FEM1C: variants seen among roughly 807,000 people sequenced by gnomAD.
The protein encoded by FEM1C is protein fem-1 homolog C.
Under a neutral mutation model 37.6 loss-of-function variants are expected in FEM1C, and 15 were observed. The observed-to-expected ratio is 0.40, with a 90% CI of 0.27 to 0.61. FEM1C has a LOEUF of 0.61. FEM1C is among the 20% of genes least tolerant of loss of function. The probability of loss-of-function intolerance (pLI) is 0.42; values close to 1 mark genes in which losing one functional copy is unlikely to be tolerated. For missense variants in FEM1C, 532 were observed against 749.7 expected, an observed-to-expected ratio of 0.71 and a Z score of 3.39; for synonymous variants, 287 against 272.8, an observed-to-expected ratio of 1.05 and a Z score of -0.51.
rs750554819 is a variant in FEM1C at position 115,524,295 on chromosome 5, T to C, written c.*13A>G. ...AATTCGTGCTTTAACAGTGCTAAAA[T>C]ACAGTCAAGTTATCATCTATGAAGG... is the stretch of plus-strand genomic sequence containing the variant. On this transcript the variant is annotated 3_prime_UTR_variant, in exon 3 of 3. Coordinates refer to ENST00000274457, the MANE Select transcript of FEM1C (RefSeq NM_020177.3). 1 of 1,609,170 alleles carries C rather than the reference T, an allele frequency of 6.2e-7. No homozygotes were observed.
intron 2 of FEM1C, among the ~76,000 whole-genome samples, chr5:115,530,347 ATTT>A (rs930097143): frequency 6.6e-6 from 1 of 152,138 alleles, no homozygotes; most frequent in African/African-American, 2.4e-5. Flanking sequence ...AGATATAATA[ATTT>A]TAAACTTGTT....
At chr5:115,544,263 C>G (rs796195382) in intron 1 of FEM1C, 16 of 784,158 alleles carry the variant, frequency 2.0e-5, no homozygotes, top group African/African-American at 3.8e-5. Flanking sequence ...GATCACCCCC[C>G]ACCCCCCGCC....
Position 115,530,240 on chromosome 5 carries a change from C to T in FEM1C, c.545-4623G>A, listed in dbSNP as rs79558535. Among the ~76,000 whole-genome samples, 1,005 of 152,032 alleles carry T rather than the reference C, an allele frequency of 6.6e-3. 5 individuals are homozygous for T. Among genetic ancestry groups the T allele is most frequent in the East Asian group, 0.025 (131 of 5,170 alleles). On this transcript the variant is annotated intron_variant, in intron 2 of 2. Transcript: ENST00000274457. Reference sequence around the variant, plus strand: ...TTTGCAAAAACTAAATATTAAGAAGCTGTCTGATATTAAAATATGAAAGTA... The same window carrying T: ...TTTGCAAAAACTAAATATTAAGAAGTTGTCTGATATTAAAATATGAAAGTA...
intron 1 of FEM1C, 165 bp from the exon 2 acceptor site, chr5:115,543,848 ATAC>A: frequency 1.0e-6 from 1 of 983,576 alleles, no homozygotes; most frequent in Non-Finnish European, 1.2e-6. Flanking sequence ...GTAAAGAAAA[ATAC>A]AGAAGGATAC....
At chr5:115,539,410 G>C (rs1245027770) in intron 2 of FEM1C, among the ~76,000 whole-genome samples, 6 of 152,060 alleles carry the variant, frequency 3.9e-5, no homozygotes, top group Admixed American at 3.9e-4. Context: ...AGATCACTGT[G>C]ATAGCTCTGA....
intron 2 of FEM1C, among the ~76,000 whole-genome samples, chr5:115,534,467 G>A (rs1754080127): frequency 6.6e-6 from 1 of 151,870 alleles, no homozygotes; most frequent in Non-Finnish European, 1.5e-5. Flanking sequence ...CAAACGTTTT[G>A]AGTTTGATAA....
At chr5:115,537,058 C>T (rs1040470892) in intron 2 of FEM1C, among the ~76,000 whole-genome samples, 1 of 151,906 alleles carries the variant, frequency 6.6e-6, no homozygotes, top group South Asian at 2.1e-4. Flanking sequence ...TCACAGACTC[C>T]CTGTTCAATC....
At chr5:115,534,032 T>TTA (rs1027848490) in intron 2 of FEM1C, among the ~76,000 whole-genome samples, 1 of 151,992 alleles carries the variant, frequency 6.6e-6, no homozygotes, top group African/African-American at 2.4e-5. Context: ...CATTAAGTAT[T>TTA]AATTCTGTTA....
At chr5:115,544,152 G>A (rs571439323) in intron 1 of FEM1C, 3 of 985,400 alleles carry the variant, frequency 3.0e-6, no homozygotes, top group East Asian at 1.1e-4. Flanking sequence ...CCCGGCTAAG[G>A]CCAAAACTGT....
chr5:115,536,531 C>T (rs1268612567), intron 2 of FEM1C, among the ~76,000 whole-genome samples: 1 of 151,624 alleles, frequency 6.6e-6, no homozygotes, highest in African/African-American at 2.4e-5. Flanking sequence ...CCCTGAATAA[C>T]TAACAGGTGT....
intron 2 of FEM1C, among the ~76,000 whole-genome samples, chr5:115,541,361 A>G (rs1196886786): frequency 6.6e-6 from 1 of 152,156 alleles, no homozygotes; most frequent in African/African-American, 2.4e-5. Context: ...AAAAATCACA[A>G]TGATCTTGTA....
intron 2 of FEM1C, among the ~76,000 whole-genome samples, chr5:115,535,882 G>C (rs1048867876): frequency 6.7e-6 from 1 of 149,234 alleles, no homozygotes. Context: ...ATATTATTCT[G>C]CAATAAAAAG....
rs1753838511 is a variant in FEM1C, at chr5:115,524,353, C to T, written c.1809G>A (p.Gly603=). The change falls in exon 3 of 3, where the codon GGG becomes GGA. Residue 603 remains glycine, a synonymous_variant. Coordinates refer to ENST00000274457, the MANE Select transcript of FEM1C (RefSeq NM_020177.3). ...VIVNHRIYYK[G]HIPEKLETFV... is the part of the protein sequence containing the mutation. ...AAGTCTCTAGCTTTTCTGGGATATG[C>T]CCTTTATAATATATTCTATGATTCA... The T allele has an allele frequency of 6.2e-7, 1 of 1,613,272 alleles. No individual in the cohort carries two copies.
At chr5:115,529,548 T>G (rs1753973861) in intron 2 of FEM1C, among the ~76,000 whole-genome samples, 2 of 152,036 alleles carry the variant, frequency 1.3e-5, no homozygotes, top group Admixed American at 1.3e-4. Context: ...TGGTGTTCTT[T>G]AGGCAGAAGG....
Position 115,524,246 on chromosome 5 carries a change from C to T in FEM1C, c.*62G>A. ...GAATGCTGGTGTTATCACAACAGTG[C>T]TCATTTATGAAACAACTGTTACCAA... On this transcript the variant is annotated 3_prime_UTR_variant, in exon 3 of 3. Coordinates refer to ENST00000274457, the MANE Select transcript of FEM1C (RefSeq NM_020177.3). The T allele has an allele frequency of 1.5e-6, 2 of 1,337,476 alleles. No homozygotes were observed. The highest frequency in any genetic ancestry group is 2.1e-6 in the Non-Finnish European group (2 of 939,292). 82.9% of individuals were successfully genotyped at this position (1,337,476 alleles called of 1,614,324 possible). A position where few individuals can be genotyped will look rare whatever the true frequency, so the allele number is the denominator to read the frequency against.
chr5:115,528,541 C>T (rs777816866), intron 2 of FEM1C, among the ~76,000 whole-genome samples: 4 of 152,046 alleles, frequency 2.6e-5, no homozygotes, highest in Non-Finnish European at 5.9e-5. Context: ...AAACTTAAAT[C>T]GAATTTAAGA....
intron 2 of FEM1C, among the ~76,000 whole-genome samples, chr5:115,527,763 G>A (rs1251797139): frequency 6.6e-6 from 1 of 152,114 alleles, no homozygotes; most frequent in African/African-American, 2.4e-5. Context: ...AGCACTTTGG[G>A]AGGCTGAGGT....
rs910765925 is a variant in FEM1C at position 115,522,387 on chromosome 5, C to T, written c.*1921G>A. 3.3e-5 allele frequency: 5 copies of T among 151,862 alleles called. No homozygotes were observed. The highest frequency in any genetic ancestry group is 1.2e-4 in the African/African-American group (5 of 41,406). The allele number at this position is 151,862 out of a possible 1,614,324, so 9.4% of individuals were successfully genotyped here. On this transcript the variant is annotated 3_prime_UTR_variant, in exon 3 of 3. Transcript: ENST00000274457. ...ATATGTGACAGTTCAAATATTTCAT[C>T]AAATTTTCCCACAGTGAGAGATAGT... is the stretch of plus-strand genomic sequence containing the variant.
rs1275773791 is a variant in FEM1C at position 115,524,482 on chromosome 5, G to A, written c.1680C>T (p.His560=). 2 of 1,612,560 alleles carry A rather than the reference G, an allele frequency of 1.2e-6. No homozygotes were observed. The highest frequency in any genetic ancestry group is 2.7e-5 in the African/African-American group (2 of 74,820). The change falls in exon 3 of 3, where the codon CAC becomes CAT. Residue 560 remains histidine (H), a synonymous_variant. Transcript: ENST00000274457. ...SGAHFDATNL[H]KQTASDLLDE... is the part of the protein sequence containing the mutation. ...CCAGCAAGTCACTAGCAGTTTGTTTGTGCAAGTTTGTGGCATCAAAATGTG... is the reference window on the plus strand; with the variant it reads ...CCAGCAAGTCACTAGCAGTTTGTTTATGCAAGTTTGTGGCATCAAAATGTG...
Sources: gnomAD v4.1 joint callset for allele counts (sites outside exome capture counted in the v4.1 genomes callset) on GRCh38, gnomAD v4.1.1 for gene constraint, MANE v1.5 for transcripts, NCBI Gene and HGNC (gene_info 2026-07-23, HGNC 2026-07-21) for gene names.